The following BCAT1 variants were observed in gnomAD, a reference collection of about 807,000 sequenced individuals.
The protein encoded by BCAT1 is branched-chain-amino-acid aminotransferase, cytosolic.
In BCAT1, 48 loss-of-function variants were observed where a neutral mutation model predicts 52.4. The observed-to-expected ratio is 0.92, with a 90% CI of 0.73 to 1.16. The LOEUF is 1.16. Ranked by LOEUF, BCAT1 falls within the 50% of genes most tolerant of loss-of-function variation. BCAT1 has a pLI of 0.00. For synonymous variants in BCAT1, 167 were observed against 161.3 expected (o/e 1.04, Z -0.27); for missense variants, 451 against 457.1 (o/e 0.99, Z 0.12).
intron 5 of BCAT1, among the ~76,000 whole-genome samples, chr12:24,855,542 G>T (rs1000667148): frequency 6.6e-6 from 1 of 151,870 alleles, no homozygotes; most frequent in African/African-American, 2.4e-5. Context: ...CACCACACCC[G>T]GCTAGTTTTT....
At chr12:24,913,754 C>A (rs1464282641) in intron 1 of BCAT1, among the ~76,000 whole-genome samples, 2 of 152,154 alleles carry the variant, frequency 1.3e-5, no homozygotes, top group African/African-American at 2.4e-5. Context: ...CTGTCTGGAC[C>A]CTTCTTGCCT....
chr12:24,836,860 G>A (rs1940957209), intron 7 of BCAT1, among the ~76,000 whole-genome samples: 1 of 129,970 alleles, frequency 7.7e-6, no homozygotes, highest in Non-Finnish European at 1.6e-5. Flanking sequence ...AAGAAAGGAA[G>A]GAAGGAAGGA....
rs907569327 is a variant in BCAT1 at position 24,889,456 on chromosome 12, C to G, written c.279+4819G>C. On this transcript the variant is annotated intron_variant, in intron 3 of 10. Coordinates refer to ENST00000261192, the MANE Select transcript of BCAT1 (RefSeq NM_005504.7). ...CCCCCATGCTCTTCCAGAACCCTGA[C>G]CTTCCTCATCAAGAAGTGGAGTGCT... is the stretch of plus-strand genomic sequence containing the variant. Among the ~76,000 whole-genome samples the G allele has an allele frequency of 7.2e-5, 11 of 152,374 alleles. No individual in the cohort carries two copies. The South Asian group carries it at 2.3e-3, about 32-fold the overall frequency.
intron 1 of BCAT1, among the ~76,000 whole-genome samples, chr12:24,905,748 G>C (rs1447843746): frequency 1.3e-5 from 2 of 151,984 alleles, no homozygotes; most frequent in African/African-American, 4.8e-5. Context: ...CTTAACCTAG[G>C]GGCAAGAGAA....
At chr12:24,872,292 T>A (rs1240880603) in intron 5 of BCAT1, among the ~76,000 whole-genome samples, 1 of 152,142 alleles carries the variant, frequency 6.6e-6, no homozygotes, top group East Asian at 1.9e-4. Context: ...CCCTGTGGAG[T>A]GAACCAGAAA....
At chr12:24,844,888 C>T (rs1236829082) in intron 6 of BCAT1, among the ~76,000 whole-genome samples, 1 of 30,270 alleles carries the variant, frequency 3.3e-5, no homozygotes. Context: ...CAGAGTGAGA[C>T]TGTCTCAAAA....
chr12:24,928,671 A>C (rs1320588983), intron 1 of BCAT1, among the ~76,000 whole-genome samples: 1 of 151,438 alleles, frequency 6.6e-6, no homozygotes, highest in Non-Finnish European at 1.5e-5. Flanking sequence ...CGAAAATACA[A>C]ACCCATGACT....
At chr12:24,858,369 G>A (rs111500471) in intron 5 of BCAT1, among the ~76,000 whole-genome samples, 1 of 151,970 alleles carries the variant, frequency 6.6e-6, no homozygotes, top group Admixed American at 6.5e-5. Flanking sequence ...ATAATCTTTG[G>A]GAAATAAAGA....
chr12:24,895,993 T>A (rs961375708), intron 2 of BCAT1, among the ~76,000 whole-genome samples: 5 of 152,138 alleles, frequency 3.3e-5, no homozygotes, highest in Admixed American at 6.6e-5. Context: ...CAATAAAAAA[T>A]TGACTTTGTT....
intron 6 of BCAT1, among the ~76,000 whole-genome samples, chr12:24,844,939 A>G: frequency 7.1e-6 from 1 of 141,492 alleles, no homozygotes; most frequent in Admixed American, 7.1e-5. Context: ...AGGGCCAGGC[A>G]CAGTGGCTCA....
chr12:24,933,541 A>G (rs1943710104), intron 1 of BCAT1, among the ~76,000 whole-genome samples: 1 of 151,816 alleles, frequency 6.6e-6, no homozygotes, highest in Admixed American at 6.6e-5. Context: ...CCCTACTCAA[A>G]CCTCATGTGG....
chr12:24,812,909 A>C lies in BCAT1; in HGVS notation c.*5099T>G, dbSNP rs540184554. The C allele has an allele frequency of 3.8e-4, 58 of 152,182 alleles. No homozygotes were observed. Among genetic ancestry groups the C allele is most frequent in the African/African-American group, 1.3e-3 (52 of 41,572 alleles). The allele number at this position is 152,182 out of a possible 1,614,324, so 9.4% of individuals were successfully genotyped here. On this transcript the variant is annotated 3_prime_UTR_variant, in exon 11 of 11. Coordinates refer to ENST00000261192, the MANE Select transcript of BCAT1 (RefSeq NM_005504.7). The stretch of plus-strand genomic sequence containing the variant: ...CCCAACAGTAGATTACATAAACTGA[A>C]CATCATGCAACTCAAGTTATACGTC...
At chr12:24,871,023 A>T (rs571093875) in intron 5 of BCAT1, among the ~76,000 whole-genome samples, 16 of 152,202 alleles carry the variant, frequency 1.1e-4, no homozygotes, top group African/African-American at 3.6e-4. Flanking sequence ...ACTCTGTCTC[A>T]AAAAAAGAAA....
intron 1 of BCAT1, among the ~76,000 whole-genome samples, chr12:24,942,358 T>C (rs1754348446): frequency 6.6e-6 from 1 of 152,160 alleles, no homozygotes; most frequent in East Asian, 1.9e-4. Context: ...CTGGCCAACA[T>C]GGAGAAACCC....
chr12:24,827,714 C>A (rs1940466541), intron 10 of BCAT1, among the ~76,000 whole-genome samples: 1 of 152,170 alleles, frequency 6.6e-6, no homozygotes, highest in South Asian at 2.1e-4. Context: ...ATCACTTGAA[C>A]CCAGGAGGCA....
chr12:24,890,058 T>C (rs1011677432), intron 3 of BCAT1, among the ~76,000 whole-genome samples: 2 of 152,212 alleles, frequency 1.3e-5, no homozygotes, highest in African/African-American at 4.8e-5. Flanking sequence ...GCTTCATCTA[T>C]ACACTTTGCA....
At chr12:24,935,595 C>T (rs1356819106) in intron 1 of BCAT1, among the ~76,000 whole-genome samples, 1 of 152,140 alleles carries the variant, frequency 6.6e-6, no homozygotes, top group African/African-American at 2.4e-5. Flanking sequence ...TTTTACAAAC[C>T]AGGTATCCTG....
At chr12:24,884,683 G>A (rs1021977580) in intron 3 of BCAT1, among the ~76,000 whole-genome samples, 3 of 152,008 alleles carry the variant, frequency 2.0e-5, no homozygotes, top group African/African-American at 7.2e-5. Flanking sequence ...CATGTAAAGA[G>A]TATGATAATC....
chr12:24,823,522 TG>T (rs1940239915), intron 10 of BCAT1, among the ~76,000 whole-genome samples: 1 of 152,236 alleles, frequency 6.6e-6, no homozygotes, highest in Admixed American at 6.5e-5. Context: ...GGTTTGAATT[TG>T]TGTCCCCACC....
Sources: gnomAD v4.1 joint callset for allele counts (sites outside exome capture counted in the v4.1 genomes callset) on GRCh38, gnomAD v4.1.1 for gene constraint, MANE v1.5 for transcripts, NCBI Gene and HGNC (gene_info 2026-07-23, HGNC 2026-07-21) for gene names.